Variants in SNTG2 observed in about 807,000 individuals in gnomAD.
SNTG2 encodes syntrophin gamma 2.
Under a neutral mutation model 70.9 loss-of-function variants are expected in SNTG2, and 74 were observed. The ratio of observed to expected loss-of-function variants is 1.04; its 90% CI spans 0.86 to 1.27. SNTG2 has a LOEUF of 1.27. SNTG2 is among the 50% of genes most tolerant of loss of function. The pLI, the probability that SNTG2 is intolerant of heterozygous loss-of-function variation, is 0.00. For missense variants in SNTG2, 717 were observed against 690.7 expected (o/e 1.04, Z -0.43); for synonymous variants, 278 against 273.8 (o/e 1.02, Z -0.15).
intron 12 of SNTG2, among the ~76,000 whole-genome samples, chr2:1,251,475 C>G: frequency 6.8e-6 from 1 of 146,362 alleles, no homozygotes; most frequent in Admixed American, 6.8e-5. Context: ...ACACACACCA[C>G]TCATGCACAC....
intron 8 of SNTG2, among the ~76,000 whole-genome samples, chr2:1,184,211 G>A (rs1672108948): frequency 6.6e-6 from 1 of 152,092 alleles, no homozygotes; most frequent in Non-Finnish European, 1.5e-5. Context: ...TGGCTAAGTT[G>A]ATCCCAGCTC....
chr2:1,199,658 A>C (rs1673157460), intron 8 of SNTG2, among the ~76,000 whole-genome samples: 1 of 152,106 alleles, frequency 6.6e-6, no homozygotes, highest in East Asian at 1.9e-4. Context: ...ATACTAATAA[A>C]ATATTTCAGG....
At chr2:1,299,606 A>G (rs375497665) in intron 14 of SNTG2, among the ~76,000 whole-genome samples, 13 of 152,314 alleles carry the variant, frequency 8.5e-5, no homozygotes, top group African/African-American at 3.1e-4. Flanking sequence ...CCTACTTCCA[A>G]ATAAGATACT....
chr2:1,242,782 A>C (rs1444158300), intron 11 of SNTG2: 3 of 152,226 alleles, frequency 2.0e-5, no homozygotes, highest in Admixed American at 2.0e-4. Flanking sequence ...GTGGACGCTT[A>C]ACTAATTATC....
chr2:1,083,788 G>T, intron 2 of SNTG2, 133 bp downstream of exon 2: 1 of 972,900 alleles, frequency 1.0e-6, no homozygotes, highest in South Asian at 1.6e-5. Flanking sequence ...CCAACTACTG[G>T]CTTTCACTGT....
chr2:1,361,385 G>A (rs1233820305), intron 16 of SNTG2, among the ~76,000 whole-genome samples: 1 of 151,636 alleles, frequency 6.6e-6, no homozygotes, highest in Non-Finnish European at 1.5e-5. Flanking sequence ...CCACAGCATG[G>A]CAAATCATTA....
chr2:1,362,025 A>G (rs1408037957), intron 16 of SNTG2, among the ~76,000 whole-genome samples: 2 of 150,484 alleles, frequency 1.3e-5, no homozygotes, highest in African/African-American at 2.5e-5. Flanking sequence ...ACTTCCATGA[A>G]AGTCATTGAT....
At chr2:994,218 G>A (rs1190889337) in intron 1 of SNTG2, among the ~76,000 whole-genome samples, 1 of 151,952 alleles carries the variant, frequency 6.6e-6, no homozygotes. Flanking sequence ...TTTTTAAATT[G>A]TGGATATCCA....
At chr2:1,060,659 G>A (rs1392395924) in intron 1 of SNTG2, among the ~76,000 whole-genome samples, 1 of 152,176 alleles carries the variant, frequency 6.6e-6, no homozygotes, top group Admixed American at 6.5e-5. Context: ...ATTCAAATAT[G>A]AACCTAAGAA....
At chr2:1,164,905 C>G (rs995194522) in intron 6 of SNTG2, among the ~76,000 whole-genome samples, 1 of 152,232 alleles carries the variant, frequency 6.6e-6, no homozygotes, top group Non-Finnish European at 1.5e-5. Flanking sequence ...GCAGTGAATT[C>G]TGACACACAC....
intron 13 of SNTG2, among the ~76,000 whole-genome samples, chr2:1,265,411 CAT>C (rs576295421): frequency 6.8e-4 from 103 of 152,356 alleles, no homozygotes; most frequent in Non-Finnish European, 1.2e-3. Flanking sequence ...CACACATTCT[CAT>C]GTGCACACAT....
intron 1 of SNTG2, among the ~76,000 whole-genome samples, chr2:1,023,547 GTTATTA>G (rs72193141): frequency 6.6e-6 from 1 of 152,034 alleles, no homozygotes; most frequent in Non-Finnish European, 1.5e-5. Flanking sequence ...TGGGTAATAG[GTTATTA>G]TTATTATTTT....
chr2:1,296,202 A>G (rs1680207177), intron 14 of SNTG2, among the ~76,000 whole-genome samples: 1 of 152,216 alleles, frequency 6.6e-6, no homozygotes, highest in African/African-American at 2.4e-5. Flanking sequence ...CTTCTGTGCT[A>G]ATGCTGATCT....
At chr2:1,148,090 G>C (rs1033882489) in intron 6 of SNTG2, among the ~76,000 whole-genome samples, 2 of 152,216 alleles carry the variant, frequency 1.3e-5, no homozygotes, top group Non-Finnish European at 2.9e-5. Flanking sequence ...CCTCTAGATG[G>C]AGCAGTACTC....
intron 9 of SNTG2, among the ~76,000 whole-genome samples, chr2:1,228,196 G>T (rs975028978): frequency 5.3e-5 from 8 of 152,256 alleles, no homozygotes; most frequent in Non-Finnish European, 1.0e-4. Flanking sequence ...CTTTCGAGCT[G>T]GCGGGGGGCC....
In SNTG2 at chr2:1,267,416, C is replaced by T. The variant is rs374219356; in HGVS notation, c.1129C>T (p.Gln377Ter). The change falls in exon 14 of 17, where the codon CAA (glutamine) becomes TAA (stop). Residue 377 changes from glutamine (Q) to a stop codon, truncating the protein, a stop_gained. Coordinates refer to ENST00000308624, the MANE Select transcript of SNTG2 (RefSeq NM_018968.4). LOFTEE classifies it high-confidence loss of function. Reference sequence around the variant, plus strand: ...GCAAGCAAACTTGTATCTGGGTCTTCAAGATTTTGACTTTGAGGACCAGAG... The same window carrying T: ...GCAAGCAAACTTGTATCTGGGTCTTTAAGATTTTGACTTTGAGGACCAGAG... ...WLQANLYLGL[Q>*]DFDFEDQRPY... is the part of the protein sequence containing the mutation. The T allele has an allele frequency of 1.1e-5, 17 of 1,611,152 alleles. No homozygotes were observed. The highest frequency in any genetic ancestry group is 1.7e-5 in the Admixed American group (1 of 59,630).
chr2:1,227,484 A>G (rs1675870114), intron 9 of SNTG2, among the ~76,000 whole-genome samples: 1 of 152,198 alleles, frequency 6.6e-6, no homozygotes, highest in Non-Finnish European at 1.5e-5. Flanking sequence ...TCTAATCAAC[A>G]GCATTGTTGG....
intron 12 of SNTG2, among the ~76,000 whole-genome samples, chr2:1,253,106 C>A (rs1156628732): frequency 2.0e-5 from 3 of 152,106 alleles, no homozygotes; most frequent in Admixed American, 6.5e-5. Flanking sequence ...CACAGAACGT[C>A]TCAATGCTGG....
chr2:1,326,947 C>T (rs1234400882), intron 16 of SNTG2, among the ~76,000 whole-genome samples: 1 of 151,966 alleles, frequency 6.6e-6, no homozygotes, highest in African/African-American at 2.4e-5. Context: ...TTAGGCAAAG[C>T]CACTTTCCTG....
Sources: allele counts gnomAD v4.1 joint callset (sites outside exome capture counted in the v4.1 genomes callset), GRCh38; gene constraint gnomAD v4.1.1; transcripts MANE v1.5; gene names NCBI Gene and HGNC (gene_info 2026-07-23, HGNC 2026-07-21).